FOXO1: variants seen among roughly 807,000 people sequenced by gnomAD.
The protein encoded by FOXO1 is forkhead box protein O1.
Under a neutral mutation model 44.1 loss-of-function variants are expected in FOXO1, and 6 were observed. The ratio of observed to expected loss-of-function variants is 0.14; its 90% confidence interval spans 0.07 to 0.27. The LOEUF (loss-of-function observed/expected upper bound fraction) is 0.27. FOXO1 is among the 10% of genes least tolerant of loss of function. The probability of loss-of-function intolerance (pLI) is 1.00; values close to 1 mark genes in which losing one functional copy is unlikely to be tolerated. For missense variants in FOXO1, 737 were observed against 888.8 expected, an observed-to-expected ratio of 0.83 and a Z score of 2.17; for synonymous variants, 380 against 362.7, an observed-to-expected ratio of 1.05 and a Z score of -0.54.
intron 1 of FOXO1, chr13:40,619,700 C>T: frequency 1.6e-6 from 2 of 1,238,602 alleles, no homozygotes; most frequent in Non-Finnish European, 2.4e-6. Flanking sequence ...AGGCTTGCTT[C>T]AAGGGGGAAA....
At chr13:40,576,418 C>G (rs1874747757) in intron 1 of FOXO1, among the ~76,000 whole-genome samples, 1 of 152,202 alleles carries the variant, frequency 6.6e-6, no homozygotes, top group African/African-American at 2.4e-5. Context: ...AGTTTGGGCT[C>G]TGCTGGGAAA....
chr13:40,591,953 C>T (rs915459145), intron 1 of FOXO1, among the ~76,000 whole-genome samples: 4 of 152,106 alleles, frequency 2.6e-5, no homozygotes, highest in Non-Finnish European at 4.4e-5. Context: ...GTGATCCACC[C>T]GCCTTGACCT....
intron 1 of FOXO1, chr13:40,621,374 T>C: frequency 7.7e-6 from 3 of 389,202 alleles, no homozygotes; most frequent in Non-Finnish European, 1.3e-5. Flanking sequence ...TACTCAAATA[T>C]TGTATTTTAG....
At position 40,666,223 on chromosome 13, in the gene FOXO1, GC is replaced by G. The variant is rs1272434381; in HGVS notation, c.-12del. The G allele has an allele frequency of 7.1e-7, 1 of 1,400,270 alleles. No individual in the cohort carries two copies. The highest frequency in any genetic ancestry group is 9.3e-7 in the Non-Finnish European group (1 of 1,077,686). The allele number at this position is 1,400,270 out of a possible 1,614,324, so 86.7% of individuals were successfully genotyped here. A position where few individuals can be genotyped will look rare whatever the true frequency, so the allele number is the denominator to read the frequency against. Reference sequence around the variant, plus strand: ...AGGCGCCTCGGCCATGGTGACCCCCGCCCCTCCCCCAGCCGCAGGAGAGCCA... The same window carrying G: ...AGGCGCCTCGGCCATGGTGACCCCCGCCCTCCCCCAGCCGCAGGAGAGCCA... On this transcript the variant is annotated 5_prime_UTR_variant, in exon 1 of 3. Coordinates refer to ENST00000379561, the MANE Select transcript of FOXO1 (RefSeq NM_002015.4).
chr13:40,560,168 T>G lies in FOXO1; in HGVS notation c.1323A>C (p.Thr441=). ...MSPLPQMPIQ[T]LQDNKSSYGG... ...CATAACTCGACTTATTGTCCTGAAGTGTTTGTATAGGCATCTGGGGCAAAG... is the reference window on the plus strand; with the variant it reads ...CATAACTCGACTTATTGTCCTGAAGGGTTTGTATAGGCATCTGGGGCAAAG... Residue 441 remains threonine, a synonymous_variant, in exon 2 of 3, where the codon ACA becomes ACC. Transcript: ENST00000379561. This position sits in a 1 kb window ranked among gnomAD's most constrained non-coding sequence, Gnocchi z 5.1. 7 of 1,614,032 alleles carry G rather than the reference T, an allele frequency of 4.3e-6. No individual in the cohort carries two copies. Among genetic ancestry groups the G allele is most frequent in the Non-Finnish European group, 5.1e-6 (6 of 1,179,988 alleles).
intron 1 of FOXO1, among the ~76,000 whole-genome samples, chr13:40,586,390 A>G (rs1875166586): frequency 6.6e-6 from 1 of 152,190 alleles, no homozygotes; most frequent in South Asian, 2.1e-4. Flanking sequence ...CTTAATAACA[A>G]AAGCCCAATA....
chr13:40,644,788 A>C (rs533514015), intron 1 of FOXO1, among the ~76,000 whole-genome samples: 4 of 152,218 alleles, frequency 2.6e-5, no homozygotes, highest in Admixed American at 1.3e-4. Context: ...TGAGAATTTA[A>C]CTCCTTTTAC....
intron 1 of FOXO1, chr13:40,620,373 C>T (rs942326083): frequency 1.0e-5 from 7 of 697,172 alleles, no homozygotes; most frequent in African/African-American, 3.6e-5. Context: ...TCGTTTAGAG[C>T]GGTCACGTAT....
At chr13:40,622,127 C>G (rs569176022) in intron 1 of FOXO1, among the ~76,000 whole-genome samples, 1 of 152,282 alleles carries the variant, frequency 6.6e-6, no homozygotes, top group South Asian at 2.1e-4. Context: ...GGTTATTTAA[C>G]TTGTGTTCAG....
intron 1 of FOXO1, among the ~76,000 whole-genome samples, chr13:40,576,120 A>G (rs897298683): frequency 2.2e-4 from 34 of 152,250 alleles, no homozygotes; most frequent in African/African-American, 8.2e-4. Context: ...TGTCCGATAA[A>G]TATGAGCTAT....
At chr13:40,579,967 G>A (rs1298640479) in intron 1 of FOXO1, among the ~76,000 whole-genome samples, 1 of 152,100 alleles carries the variant, frequency 6.6e-6, no homozygotes, top group Non-Finnish European at 1.5e-5. Context: ...CCAATTATAC[G>A]AGCTCTGTAT....
In FOXO1 at chr13:40,559,949, G is replaced by A. The variant is rs1481220478; in HGVS notation, c.1542C>T (p.Asn514=). ...TATGGGAGCTGGGATTCATCATTTT[G>A]TTATGAGATGCCTGGCTGCCATAGG... The part of the protein sequence containing the change: ...MSTYGSQASH[N]KMMNPSSHTH... The change falls in exon 2 of 3, where the codon AAC becomes AAT. Residue 514 remains asparagine (N), a synonymous_variant. Coordinates refer to ENST00000379561, the MANE Select transcript of FOXO1 (RefSeq NM_002015.4). 2.5e-6 allele frequency: 4 copies of A among 1,614,060 alleles called. No homozygotes were observed. In the East Asian group the frequency reaches 8.9e-5, roughly 36 times the overall value.
At chr13:40,602,816 T>C (rs1009031378) in intron 1 of FOXO1, among the ~76,000 whole-genome samples, 1 of 152,204 alleles carries the variant, frequency 6.6e-6, no homozygotes, top group Admixed American at 6.5e-5. Flanking sequence ...TCCTTCTTAG[T>C]TGACACATGT....
In FOXO1 at chr13:40,659,638, T is replaced by G. The variant is rs541506363; in HGVS notation, c.630+5945A>C. Among the ~76,000 whole-genome samples the G allele has an allele frequency of 4.0e-3, 610 of 152,220 alleles. 3 individuals are homozygous for G. The highest frequency in any genetic ancestry group is 0.014 in the African/African-American group (580 of 41,546). On this transcript the variant is annotated intron_variant, in intron 1 of 2. Coordinates refer to ENST00000379561, the MANE Select transcript of FOXO1 (RefSeq NM_002015.4). The stretch of plus-strand genomic sequence containing the variant: ...ATATCAAAACTAACTTGCTTTTTTG[T>G]TTTCCTTTTTAGTTTTTATCAAAAC...
intron 1 of FOXO1, among the ~76,000 whole-genome samples, chr13:40,629,417 C>T (rs1808741440): frequency 6.6e-6 from 1 of 152,272 alleles, no homozygotes; most frequent in African/African-American, 2.4e-5. Flanking sequence ...GCTGGGATTA[C>T]AGGCGTGAGC....
chr13:40,662,370 C>G (rs1878066429), intron 1 of FOXO1, among the ~76,000 whole-genome samples: 1 of 151,848 alleles, frequency 6.6e-6, no homozygotes, highest in Admixed American at 6.6e-5. Flanking sequence ...GTTCAAACTA[C>G]CACTTCCCAA....
intron 1 of FOXO1, among the ~76,000 whole-genome samples, chr13:40,609,754 C>G: frequency 6.6e-6 from 1 of 152,072 alleles, no homozygotes; most frequent in East Asian, 1.9e-4. Context: ...AACCTGGAGC[C>G]CATGGACAGA....
intron 1 of FOXO1, among the ~76,000 whole-genome samples, chr13:40,585,370 C>T (rs1875125782): frequency 6.6e-6 from 1 of 152,034 alleles, no homozygotes; most frequent in Non-Finnish European, 1.5e-5. Context: ...CACACACACA[C>T]ACAGCCAACT....
At chr13:40,575,514 T>A (rs1874711708) in intron 1 of FOXO1, among the ~76,000 whole-genome samples, 1 of 152,138 alleles carries the variant, frequency 6.6e-6, no homozygotes, top group African/African-American at 2.4e-5. Flanking sequence ...AAAGATCAAT[T>A]TTTATCTTCA....
Sources: gnomAD v4.1 joint callset for allele counts (sites outside exome capture counted in the v4.1 genomes callset) on GRCh38, gnomAD v4.1.1 for gene constraint, Gnocchi (gnomAD v3.1) non-coding constraint, MANE v1.5 for transcripts, NCBI Gene and HGNC (gene_info 2026-07-23, HGNC 2026-07-21) for gene names.